Variants in ITPR1 observed in about 807,000 individuals in gnomAD.
ITPR1 encodes the protein inositol 1,4,5-trisphosphate-gated calcium channel ITPR1.
ITPR1 carries 96 observed loss-of-function variants against 318.4 expected under a neutral mutation model. That is an observed-to-expected ratio of 0.30 (90% CI 0.26 to 0.36). ITPR1 has a LOEUF of 0.36. Ranked by LOEUF, ITPR1 falls within the 10% of genes least tolerant of loss-of-function variation. The pLI is 1.00. For synonymous variants in ITPR1, 1,312 were observed against 1,289.9 expected, an observed-to-expected ratio of 1.02 and a Z score of -0.37; for missense variants, 2,440 against 3,460.2, an observed-to-expected ratio of 0.71 and a Z score of 7.40.
rs1266953336 is a variant in ITPR1, at chr3:4,539,903, CT to C, written c.163+18811del. On this transcript the variant is annotated intron_variant, in intron 4 of 61. Coordinates refer to ENST00000649015, the MANE Select transcript of ITPR1 (RefSeq NM_001378452.1). ...ACTTGGATCTTCTTACCTTCTATAACTTAAGAAATAAATTTCTTTTCCTTAC... is the reference window on the plus strand; with the variant it reads ...ACTTGGATCTTCTTACCTTCTATAACTAAGAAATAAATTTCTTTTCCTTAC... Among the ~76,000 whole-genome samples the C allele has an allele frequency of 2.0e-5, 3 of 147,504 alleles. No homozygotes were observed. In the Admixed American group the frequency reaches 2.0e-4, roughly 10 times the overall value.
intron 44 of ITPR1, among the ~76,000 whole-genome samples, chr3:4,744,825 A>G (rs1420024478): frequency 1.3e-5 from 2 of 152,180 alleles, no homozygotes; most frequent in Admixed American, 6.5e-5. Flanking sequence ...CCACTTACTC[A>G]GCTAATAAAT....
At position 4,683,823 on chromosome 3, in the gene ITPR1, C is replaced by A. The variant is rs779975959; in HGVS notation, c.3498+25C>A. ...GGTGAGTGAAACACAAGTTATGCTG[C>A]CAAAGTGGATGGATGGGCTTCTCGA... On this transcript the variant is annotated intron_variant, in intron 28 of 61. Coordinates refer to ENST00000649015, the MANE Select transcript of ITPR1 (RefSeq NM_001378452.1). 13 of 1,603,610 alleles carry A rather than the reference C, an allele frequency of 8.1e-6. No individual in the cohort carries two copies. The African/African-American group carries it at 1.3e-4, about 17-fold the overall frequency.
At chr3:4,734,164 A>G (rs958613215) in intron 43 of ITPR1, among the ~76,000 whole-genome samples, 3 of 152,254 alleles carry the variant, frequency 2.0e-5, no homozygotes, top group Non-Finnish European at 4.4e-5. Context: ...TTCTCAAGGC[A>G]TCCTAGAGAT....
intron 4 of ITPR1, among the ~76,000 whole-genome samples, chr3:4,625,027 T>C (rs2092777631): frequency 6.6e-6 from 1 of 152,192 alleles, no homozygotes; most frequent in African/African-American, 2.4e-5. Flanking sequence ...TGCTTTATCT[T>C]TTGTTTTCCA....
Position 4,803,348 on chromosome 3 carries a change from C to A in ITPR1, c.7107+2748C>A, listed in dbSNP as rs145042410. Among the ~76,000 whole-genome samples, 255 of 152,268 alleles carry A rather than the reference C, an allele frequency of 1.7e-3. 1 individual carries two copies. Among genetic ancestry groups the A allele is most frequent in the African/African-American group, 5.9e-3 (245 of 41,544 alleles). On this transcript the variant is annotated intron_variant, in intron 54 of 61. Transcript: ENST00000649015. Reference sequence around the variant, plus strand: ...TTTCAGACAAAGAGGGTATCACTGTCTTGATTGGGTAATGAAGGAGGCAAA... The same window carrying A: ...TTTCAGACAAAGAGGGTATCACTGTATTGATTGGGTAATGAAGGAGGCAAA...
At chr3:4,836,536 T>TC (rs1442883035) in intron 60 of ITPR1, among the ~76,000 whole-genome samples, 1 of 152,100 alleles carries the variant, frequency 6.6e-6, no homozygotes, top group East Asian at 1.9e-4. Context: ...AACCTATATT[T>TC]CCCCTATATT....
At chr3:4,711,364 C>T (rs2041355729) in intron 38 of ITPR1, among the ~76,000 whole-genome samples, 1 of 152,092 alleles carries the variant, frequency 6.6e-6, no homozygotes. Flanking sequence ...TGGCCTCAAC[C>T]ATCATCCTCA....
chr3:4,697,454 C>CTTTTTTTTTTTTT (rs2094578243), intron 34 of ITPR1, among the ~76,000 whole-genome samples, 182 bp downstream of exon 34: 6 of 70,632 alleles, frequency 8.5e-5, no homozygotes, highest in Non-Finnish European at 1.7e-4. Flanking sequence ...ATCCTTTCTT[C>CTTTTTTTTTTTTT]CTTTTTTTTT....
chr3:4,563,652 G>T (rs1377972978), intron 4 of ITPR1, among the ~76,000 whole-genome samples: 1 of 152,222 alleles, frequency 6.6e-6, no homozygotes, highest in African/African-American at 2.4e-5. Flanking sequence ...CTGGTACCCT[G>T]AGTTGTGTTG....
intron 7 of ITPR1, 59 bp downstream of exon 7, chr3:4,642,310 A>G (rs2093355784): frequency 7.5e-7 from 1 of 1,334,144 alleles, no homozygotes; most frequent in Admixed American, 2.8e-5. Flanking sequence ...GCATGACTGT[A>G]TATTAGAGTT....
chr3:4,501,818 C>G (rs946576354), intron 2 of ITPR1, among the ~76,000 whole-genome samples: 3 of 152,232 alleles, frequency 2.0e-5, no homozygotes, highest in African/African-American at 7.2e-5. Context: ...TGTACCCCTA[C>G]TTAGAGTTGT....
chr3:4,673,946 A>G (rs1010198083), intron 21 of ITPR1, among the ~76,000 whole-genome samples: 2 of 152,140 alleles, frequency 1.3e-5, no homozygotes, highest in Non-Finnish European at 2.9e-5. Flanking sequence ...AGTGTGTACT[A>G]TGTGCCAAGC....
intron 4 of ITPR1, among the ~76,000 whole-genome samples, chr3:4,571,826 T>C (rs1202150181): frequency 1.3e-5 from 2 of 152,150 alleles, no homozygotes; most frequent in South Asian, 2.1e-4. Flanking sequence ...GACTGCTAGA[T>C]GTTAGACTTT....
intron 52 of ITPR1, among the ~76,000 whole-genome samples, chr3:4,794,087 G>C (rs2047742486): frequency 6.6e-6 from 1 of 152,146 alleles, no homozygotes; most frequent in Non-Finnish European, 1.5e-5. Context: ...TCTCTGGAGG[G>C]GGATGATGTG....
At chr3:4,739,834 G>A (rs1368154757) in intron 44 of ITPR1, among the ~76,000 whole-genome samples, 1 of 152,118 alleles carries the variant, frequency 6.6e-6, no homozygotes, top group African/African-American at 2.4e-5. Flanking sequence ...CAGCTTACGT[G>A]GTCACTCATA....
chr3:4,792,653 T>C (rs998828655), intron 52 of ITPR1, among the ~76,000 whole-genome samples: 2 of 152,196 alleles, frequency 1.3e-5, no homozygotes, highest in South Asian at 4.1e-4. Flanking sequence ...AGCATCCTCA[T>C]GACATGGCAG....
chr3:4,548,834 T>G (rs2085281575), intron 4 of ITPR1, among the ~76,000 whole-genome samples: 1 of 152,244 alleles, frequency 6.6e-6, no homozygotes, highest in African/African-American at 2.4e-5. Flanking sequence ...GAAACAAGTT[T>G]CCAGTAAGTG....
chr3:4,725,550 C>T lies in ITPR1; in HGVS notation c.5141C>T (p.Pro1714Leu). The change falls in exon 41 of 62, where the codon CCT becomes CTT. Residue 1714 changes from proline to leucine, a missense_variant. Coordinates refer to ENST00000649015, the MANE Select transcript of ITPR1 (RefSeq NM_001378452.1). Reference protein sequence around the residue: ...SIDELDNAELPPAPDSENATE... With the variant: ...SIDELDNAELLPAPDSENATE... ...CTTCGTTTTACTCCCAATTAGCTTC[C>T]TCCAGCTCCGGATTCTGAGAACGCC... 6.3e-7 allele frequency: 1 copy of T among 1,599,182 alleles called. No individual in the cohort carries two copies. Among genetic ancestry groups the T allele is most frequent in the South Asian group, 1.1e-5 (1 of 91,066 alleles).
chr3:4,705,276 G>A (rs2094733105), intron 36 of ITPR1, among the ~76,000 whole-genome samples: 2 of 152,144 alleles, frequency 1.3e-5, no homozygotes, highest in Non-Finnish European at 2.9e-5. Context: ...TGGGACTGTA[G>A]CAAGGGTAAT....
Sources: gnomAD v4.1 joint callset for allele counts (sites outside exome capture counted in the v4.1 genomes callset) on GRCh38, gnomAD v4.1.1 for gene constraint, MANE v1.5 for transcripts, NCBI Gene and HGNC (gene_info 2026-07-23, HGNC 2026-07-21) for gene names.